ERC2: variants seen among roughly 807,000 people sequenced by gnomAD.
The protein encoded by ERC2 is ELKS/RAB6-interacting/CAST family member 2.
ERC2 carries 42 observed loss-of-function variants against 114.8 expected under a neutral mutation model. The observed-to-expected ratio is 0.37, with a 90% CI of 0.29 to 0.47. ERC2 has a LOEUF of 0.47. ERC2 is among the 20% of genes least tolerant of loss of function. ERC2 has a pLI of 0.99. For missense variants in ERC2, 939 were observed against 1,150.7 expected, an observed-to-expected ratio of 0.82 and a Z score of 2.66; for synonymous variants, 454 against 425.5, an observed-to-expected ratio of 1.07 and a Z score of -0.82.
intron 14 of ERC2, among the ~76,000 whole-genome samples, chr3:55,866,415 T>A (rs2062316888): frequency 6.6e-6 from 1 of 152,190 alleles, no homozygotes; most frequent in African/African-American, 2.4e-5. Context: ...TCCCACATTG[T>A]AGTTTGTCTC....
intron 17 of ERC2, among the ~76,000 whole-genome samples, chr3:55,661,244 A>G (rs2061122026): frequency 6.6e-6 from 1 of 152,226 alleles, no homozygotes; most frequent in African/African-American, 2.4e-5. Context: ...CAAAATCACC[A>G]GGTGTCAACA....
chr3:56,241,672 C>T (rs531952756), intron 3 of ERC2, among the ~76,000 whole-genome samples: 1 of 152,048 alleles, frequency 6.6e-6, no homozygotes, highest in African/African-American at 2.4e-5. Flanking sequence ...GATAGTTCCC[C>T]CTTCACCGAG....
At chr3:56,277,845 T>C (rs2150313433) in intron 3 of ERC2, among the ~76,000 whole-genome samples, 1 of 151,906 alleles carries the variant, frequency 6.6e-6, no homozygotes, top group South Asian at 2.1e-4. Context: ...GGATTGCCCC[T>C]TGGGAAGCCC....
intron 2 of ERC2, among the ~76,000 whole-genome samples, chr3:56,419,551 A>G (rs1288271905): frequency 1.3e-5 from 2 of 152,210 alleles, no homozygotes; most frequent in Non-Finnish European, 2.9e-5. Flanking sequence ...ACCAATGTAC[A>G]TACCCTTTAT....
At chr3:55,600,081 T>C (rs2148524912) in intron 17 of ERC2, among the ~76,000 whole-genome samples, 1 of 152,276 alleles carries the variant, frequency 6.6e-6, no homozygotes, top group Non-Finnish European at 1.5e-5. Context: ...ATCACTGCTC[T>C]AGAAAATATC....
chr3:55,688,187 A>G (rs188334046), intron 16 of ERC2, among the ~76,000 whole-genome samples: 57 of 152,310 alleles, frequency 3.7e-4, no homozygotes, highest in African/African-American at 1.3e-3. Flanking sequence ...CTGCTCTTTT[A>G]AAAATAAGCG....
At chr3:56,441,383 G>A (rs547864249) in intron 1 of ERC2, among the ~76,000 whole-genome samples, 61 of 152,134 alleles carry the variant, frequency 4.0e-4, no homozygotes, top group Admixed American at 8.5e-4. Context: ...CACTGAATCA[G>A]GTGGGAAGTA....
chr3:56,334,090 G>A (rs2057748872), intron 2 of ERC2, among the ~76,000 whole-genome samples: 1 of 152,164 alleles, frequency 6.6e-6, no homozygotes, highest in South Asian at 2.1e-4. Context: ...GATCCATGGT[G>A]TCATCTTTCC....
At chr3:56,327,062 G>C (rs191374848) in intron 2 of ERC2, among the ~76,000 whole-genome samples, 39 of 152,290 alleles carry the variant, frequency 2.6e-4, no homozygotes, top group Middle Eastern at 3.4e-3. Context: ...AGCTCCACCT[G>C]CTGACCAGTT....
At chr3:55,640,030 C>T (rs1239741104) in intron 17 of ERC2, among the ~76,000 whole-genome samples, 18 of 152,080 alleles carry the variant, frequency 1.2e-4, no homozygotes, top group Admixed American at 9.8e-4. Context: ...AGCAGCTTAA[C>T]GAGCGCTGCC....
chr3:55,943,304 C>T lies in ERC2; in HGVS notation c.2403+7121G>A, dbSNP rs183706814. ...TGTTTGGGTTCTTCAGTAATGCCTT[C>T]ACCGTATTTACTTTGAAAATGATAC... On this transcript the variant is annotated intron_variant, in intron 13 of 17. Transcript: ENST00000288221. Among the ~76,000 whole-genome samples the T allele has an allele frequency of 3.3e-5, 5 of 152,258 alleles. No individual in the cohort carries two copies. In the East Asian group the frequency reaches 9.7e-4, roughly 29 times the overall value.
At chr3:56,197,405 T>A (rs2048171700) in intron 3 of ERC2, among the ~76,000 whole-genome samples, 1 of 152,160 alleles carries the variant, frequency 6.6e-6, no homozygotes, top group Non-Finnish European at 1.5e-5. Flanking sequence ...ACAAGTTGAG[T>A]CAAGGGTTTT....
chr3:55,586,909 A>T (rs2057632558), intron 17 of ERC2, among the ~76,000 whole-genome samples: 1 of 152,218 alleles, frequency 6.6e-6, no homozygotes, highest in Admixed American at 6.5e-5. Flanking sequence ...TCTATGAACA[A>T]AAAAGAAATA....
At chr3:56,438,002 G>A (rs1013031567) in intron 1 of ERC2, among the ~76,000 whole-genome samples, 1 of 152,150 alleles carries the variant, frequency 6.6e-6, no homozygotes, top group African/African-American at 2.4e-5. Flanking sequence ...AATTCCAAGA[G>A]GTTTTCATTT....
intron 17 of ERC2, among the ~76,000 whole-genome samples, chr3:55,673,804 G>GTTTTTTTTTTTTTTTTTT (rs10575865): frequency 8.8e-6 from 1 of 113,782 alleles, no homozygotes. Context: ...TAATTACCAA[G>GTTTTTTTTTTTTTTTTTT]TTTTTTTTTT....
In ERC2 at chr3:55,888,502, A is replaced by G; in HGVS notation, c.2451T>C (p.Asp817=). 1 of 1,613,892 alleles carries G rather than the reference A, an allele frequency of 6.2e-7. No individual in the cohort carries two copies. Among genetic ancestry groups the G allele is most frequent in the South Asian group, 1.1e-5 (1 of 91,080 alleles). ...TGGAGGCGAGGCGTGCTTTGGTGGC[A>G]TCCAGTTCCTGTCTGGTCTTCTCCA... is the stretch of plus-strand genomic sequence containing the variant. The part of the protein sequence containing the change: ...NALEKTRQEL[D]ATKARLASTQ... Residue 817 remains aspartate (D), a synonymous_variant, in exon 14 of 18, where the codon GAT becomes GAC. Coordinates refer to ENST00000288221, the MANE Select transcript of ERC2 (RefSeq NM_015576.3).
At chr3:56,161,390 T>G (rs1237560948) in intron 4 of ERC2, among the ~76,000 whole-genome samples, 1 of 152,216 alleles carries the variant, frequency 6.6e-6, no homozygotes, top group Non-Finnish European at 1.5e-5. Flanking sequence ...AAGTTCTTTT[T>G]TGGTTCCATA....
At chr3:56,311,299 AT>A (rs1377301044) in intron 2 of ERC2, among the ~76,000 whole-genome samples, 1 of 138,676 alleles carries the variant, frequency 7.2e-6, no homozygotes, top group Non-Finnish European at 1.5e-5. Flanking sequence ...ATACACACAT[AT>A]ATATAATTTT....
intron 17 of ERC2, among the ~76,000 whole-genome samples, chr3:55,629,339 T>C (rs1322740167): frequency 6.6e-6 from 1 of 151,850 alleles, no homozygotes; most frequent in African/African-American, 2.4e-5. Context: ...ATGCCTGGGG[T>C]TGGGAGGAAG....
Sources: gnomAD v4.1 joint callset for allele counts (sites outside exome capture counted in the v4.1 genomes callset) on GRCh38, gnomAD v4.1.1 for gene constraint, MANE v1.5 for transcripts, NCBI Gene and HGNC (gene_info 2026-07-23, HGNC 2026-07-21) for gene names.